The following PCDH7 variants were observed in gnomAD, a reference collection of about 807,000 sequenced individuals.
PCDH7 encodes the protein protocadherin-7.
In PCDH7, 17 loss-of-function variants were observed where a neutral mutation model predicts 58.9. That is an observed-to-expected ratio of 0.29 (90% CI 0.20 to 0.43). The LOEUF (loss-of-function observed/expected upper bound fraction) is 0.43. Among genes scored for constraint, PCDH7 ranks in the 20% least tolerant of loss-of-function variants. PCDH7 has a pLI of 1.00. For missense variants in PCDH7, 1,274 were observed against 1,441.0 expected (o/e 0.88, Z 1.88); for synonymous variants, 664 against 616.4 (o/e 1.08, Z -1.14).
intron 3 of PCDH7, among the ~76,000 whole-genome samples, chr4:30,970,876 ATCTG>A (rs1362960432): frequency 1.3e-5 from 2 of 152,200 alleles, no homozygotes; most frequent in African/African-American, 4.8e-5. Context: ...AAGTTGCTTC[ATCTG>A]TCTAAGTTTT....
intron 3 of PCDH7, among the ~76,000 whole-genome samples, chr4:31,133,865 T>A: frequency 6.6e-6 from 1 of 152,204 alleles, no homozygotes; most frequent in East Asian, 1.9e-4. Context: ...AGTAAATGCT[T>A]CTTGAGATAC....
rs116139912 is a variant in PCDH7 at position 31,065,989 on chromosome 4, T to A, written c.*8-76484T>A. ...ATTGAGTGTTAGACCTAGTCAATAG[T>A]GCCACAGTTTTCCTTACATGTTCCC... is the stretch of plus-strand genomic sequence containing the variant. On this transcript the variant is annotated intron_variant, in intron 3 of 3. Coordinates refer to the PCDH7 transcript ENST00000509759. 4.8e-4 allele frequency among the ~76,000 whole-genome samples: 73 copies of A among 152,040 alleles called. 1 individual carries two copies. The highest frequency in any genetic ancestry group is 1.8e-3 in the African/African-American group (73 of 41,530).
At chr4:30,823,585 G>A (rs1001009496) in intron 1 of PCDH7, among the ~76,000 whole-genome samples, 13 of 151,840 alleles carry the variant, frequency 8.6e-5, no homozygotes, top group African/African-American at 2.2e-4. Flanking sequence ...ATGCTACCTC[G>A]GCGTACAGGG....
intron 2 of PCDH7, among the ~76,000 whole-genome samples, chr4:30,933,973 G>A (rs1373159457): frequency 6.6e-6 from 1 of 152,150 alleles, no homozygotes; most frequent in Non-Finnish European, 1.5e-5. Context: ...TGCAAACAAC[G>A]TGTTCACACG....
intron 3 of PCDH7, among the ~76,000 whole-genome samples, chr4:31,081,630 T>A (rs1484525824): frequency 6.6e-6 from 1 of 152,170 alleles, no homozygotes; most frequent in Non-Finnish European, 1.5e-5. Flanking sequence ...TAGCTGAGAT[T>A]ATGTGAGCTG....
chr4:30,805,501 C>A (rs1447456079), intron 1 of PCDH7, among the ~76,000 whole-genome samples: 1 of 152,120 alleles, frequency 6.6e-6, no homozygotes, highest in African/African-American at 2.4e-5. Flanking sequence ...TAGAAATGTT[C>A]TTGAAACATA....
chr4:31,048,692 C>G (rs528987176), intron 3 of PCDH7, among the ~76,000 whole-genome samples: 11 of 151,646 alleles, frequency 7.3e-5, no homozygotes, highest in African/African-American at 2.7e-4. Context: ...CAGGAGAAAG[C>G]ATCCCACTAG....
At chr4:30,783,813 A>AT (rs944969362) in intron 1 of PCDH7, among the ~76,000 whole-genome samples, 2 of 152,170 alleles carry the variant, frequency 1.3e-5, no homozygotes, top group Admixed American at 6.6e-5. Context: ...CATTTTACTG[A>AT]TTTTTTTAAG....
intron 1 of PCDH7, among the ~76,000 whole-genome samples, chr4:30,819,563 A>G (rs1245420740): frequency 6.6e-6 from 1 of 152,196 alleles, no homozygotes; most frequent in Non-Finnish European, 1.5e-5. Context: ...AGGACAAATT[A>G]AATGATTCAT....
At chr4:31,098,461 G>T (rs1390929191) in intron 3 of PCDH7, among the ~76,000 whole-genome samples, 1 of 152,104 alleles carries the variant, frequency 6.6e-6, no homozygotes, top group Non-Finnish European at 1.5e-5. Flanking sequence ...CTATTTGCAA[G>T]GATTTCAAGA....
intron 3 of PCDH7, among the ~76,000 whole-genome samples, chr4:31,069,465 G>A (rs1406763160): frequency 6.6e-6 from 1 of 151,978 alleles, no homozygotes; most frequent in Admixed American, 6.6e-5. Flanking sequence ...CAAAAAATTA[G>A]CAGAGAAAAC....
chr4:30,840,145 G>C (rs1239695876), intron 1 of PCDH7, among the ~76,000 whole-genome samples: 1 of 149,628 alleles, frequency 6.7e-6, no homozygotes, highest in Non-Finnish European at 1.5e-5. Context: ...TTTCTTTTCA[G>C]TTATTTTTTT....
At chr4:30,973,523 T>C (rs746454680) in intron 3 of PCDH7, among the ~76,000 whole-genome samples, 24 of 152,130 alleles carry the variant, frequency 1.6e-4, no homozygotes, top group Admixed American at 3.9e-4. Flanking sequence ...AGAAAAGTAA[T>C]AATTGAGATG....
chr4:31,016,560 G>T (rs547893329), intron 3 of PCDH7, among the ~76,000 whole-genome samples: 1 of 151,974 alleles, frequency 6.6e-6, no homozygotes, highest in Non-Finnish European at 1.5e-5. Context: ...TTGGACCCCT[G>T]GAATGCAGTG....
intron 1 of PCDH7, among the ~76,000 whole-genome samples, chr4:30,892,584 A>G (rs1738762850): frequency 6.6e-6 from 1 of 152,084 alleles, no homozygotes; most frequent in South Asian, 2.1e-4. Flanking sequence ...TCATGCAATG[A>G]ATTATACTGC....
At chr4:30,809,798 C>T (rs1726744070) in intron 1 of PCDH7, among the ~76,000 whole-genome samples, 1 of 152,068 alleles carries the variant, frequency 6.6e-6, no homozygotes, top group South Asian at 2.1e-4. Flanking sequence ...GTAAACATCT[C>T]GGGGTTGGCA....
Position 31,027,913 on chromosome 4 carries a change from A to G in PCDH7, c.*7+77698A>G, listed in dbSNP as rs139811008. The stretch of plus-strand genomic sequence containing the variant: ...CTTATCCTTTATTGGTATTTTATCA[A>G]CTTGATTTAATTTAACTGTAGAAAT... On this transcript the variant is annotated intron_variant, in intron 3 of 3. Transcript: ENST00000509759. 3.0e-3 allele frequency among the ~76,000 whole-genome samples: 458 copies of G among 152,258 alleles called. 2 individuals are homozygous for G. Among genetic ancestry groups the G allele is most frequent in the African/African-American group, 9.1e-3 (379 of 41,544 alleles).
Position 30,806,625 on chromosome 4 carries a change from C to G in PCDH7, c.70+82029C>G, listed in dbSNP as rs1175282076. 2.0e-5 allele frequency among the ~76,000 whole-genome samples: 3 copies of G among 151,372 alleles called. No homozygotes were observed. The East Asian group carries it at 5.9e-4, about 30-fold the overall frequency. Reference sequence around the variant, plus strand: ...GGCCACCATTTCCCATTCTGAAAGCCTTTGCACTCGTTATTCTTCTGCTTG... The same window carrying G: ...GGCCACCATTTCCCATTCTGAAAGCGTTTGCACTCGTTATTCTTCTGCTTG... On this transcript the variant is annotated intron_variant, in intron 1 of 3. Transcript: ENST00000509759.
intron 1 of PCDH7, among the ~76,000 whole-genome samples, chr4:30,831,768 A>G (rs1729815024): frequency 6.6e-6 from 1 of 151,888 alleles, no homozygotes; most frequent in Non-Finnish European, 1.5e-5. Flanking sequence ...ACAGAATCTC[A>G]TCTGTAAAAT....
Sources: allele counts gnomAD v4.1 joint callset (sites outside exome capture counted in the v4.1 genomes callset), GRCh38; gene constraint gnomAD v4.1.1; transcripts MANE v1.5; gene names NCBI Gene and HGNC (gene_info 2026-07-23, HGNC 2026-07-21).